Variants in FMN2 observed in about 807,000 individuals in gnomAD.
The protein encoded by FMN2 is formin-2.
Under a neutral mutation model 142.3 loss-of-function variants are expected in FMN2, and 51 were observed. The observed-to-expected ratio is 0.36, with a 90% CI of 0.29 to 0.45. FMN2 has a LOEUF of 0.45. FMN2 is among the 20% of genes least tolerant of loss of function. FMN2 has a pLI of 1.00. For synonymous variants in FMN2, 882 were observed against 869.8 expected, an observed-to-expected ratio of 1.01 and a Z score of -0.25; for missense variants, 1,936 against 2,122.8, an observed-to-expected ratio of 0.91 and a Z score of 1.73.
chr1:240,203,858 G>T (rs1021006830), intron 4 of FMN2, among the ~76,000 whole-genome samples: 1 of 152,030 alleles, frequency 6.6e-6, no homozygotes, highest in Admixed American at 6.6e-5. Context: ...CCCACTATGG[G>T]CTACTTAAAA....
chr1:240,362,671 C>T (rs1459559910), intron 14 of FMN2, among the ~76,000 whole-genome samples: 1 of 152,132 alleles, frequency 6.6e-6, no homozygotes, highest in East Asian at 1.9e-4. Context: ...GAAATACAAG[C>T]CTGGTTCTCC....
intron 4 of FMN2, among the ~76,000 whole-genome samples, 181 bp from the exon 5 acceptor site, chr1:240,206,618 T>TTAAC (rs1666361097): frequency 6.6e-6 from 1 of 152,208 alleles, no homozygotes; most frequent in South Asian, 2.1e-4. Context: ...GTCACGTGTG[T>TTAAC]TAACCACTTT....
intron 2 of FMN2, chr1:240,154,569 G>A (rs560938032): frequency 6.6e-6 from 1 of 152,228 alleles, no homozygotes; most frequent in African/African-American, 2.4e-5. Context: ...CTGTTACTAA[G>A]GGCATCTTCA....
At chr1:240,471,496 C>T (rs1676807585) in intron 16 of FMN2, among the ~76,000 whole-genome samples, 1 of 152,002 alleles carries the variant, frequency 6.6e-6, no homozygotes, top group Admixed American at 6.6e-5. Flanking sequence ...CTGCCTCAAC[C>T]TCCGAGTACC....
chr1:240,334,700 G>C (rs1671502817), intron 13 of FMN2, among the ~76,000 whole-genome samples: 2 of 152,012 alleles, frequency 1.3e-5, no homozygotes, highest in Non-Finnish European at 2.9e-5. Context: ...TACCAGTCAA[G>C]CTTTACATAA....
intron 7 of FMN2, among the ~76,000 whole-genome samples, chr1:240,275,213 A>G (rs1001735758): frequency 1.3e-5 from 2 of 151,508 alleles, no homozygotes; most frequent in Non-Finnish European, 2.9e-5. Flanking sequence ...TACATTAGGT[A>G]TTTCTCCTAA....
At chr1:240,346,906 G>T (rs908427176) in intron 13 of FMN2, among the ~76,000 whole-genome samples, 39 of 152,240 alleles carry the variant, frequency 2.6e-4, no homozygotes, top group African/African-American at 8.7e-4. Context: ...ATATATTTGC[G>T]CATGATGGTG....
intron 15 of FMN2, among the ~76,000 whole-genome samples, chr1:240,418,972 G>T (rs1674673994): frequency 6.6e-6 from 1 of 152,210 alleles, no homozygotes; most frequent in Non-Finnish European, 1.5e-5. Flanking sequence ...GCTGGACATG[G>T]TGGTGGGCGC....
intron 2 of FMN2, among the ~76,000 whole-genome samples, chr1:240,166,967 C>CA (rs1438829741): frequency 1.3e-5 from 2 of 151,946 alleles, no homozygotes; most frequent in African/African-American, 4.8e-5. Flanking sequence ...ACCAAAAATA[C>CA]AAAAATTAGC....
chr1:240,093,124 G>A lies in FMN2; in HGVS notation c.1015G>A (p.Val339Met), dbSNP rs759662315. 19 of 1,396,310 alleles carry A rather than the reference G, an allele frequency of 1.4e-5. No individual in the cohort carries two copies. Among genetic ancestry groups the A allele is most frequent in the Non-Finnish European group, 1.8e-5 (19 of 1,084,454 alleles). 86.5% of individuals were successfully genotyped at this position (1,396,310 alleles called of 1,614,324 possible). A position where few individuals can be genotyped will look rare whatever the true frequency, so the allele number is the denominator to read the frequency against. Residue 339 changes from valine to methionine, a missense_variant, in exon 1 of 18, where the codon GTG (valine) becomes ATG (methionine). Transcript: ENST00000319653. ...GGGGGAGGAAGCGGCCGGAGCCCCC[G>A]TGCGAGGGGCTGGGGACACGGATGA... Reference protein sequence around the residue: ...GPGEEAAGAPVRGAGDTDEEG... With the variant: ...GPGEEAAGAPMRGAGDTDEEG...
chr1:240,162,321 G>A (rs1048450029), intron 2 of FMN2, among the ~76,000 whole-genome samples: 37 of 151,876 alleles, frequency 2.4e-4, no homozygotes, highest in African/African-American at 7.5e-4. Context: ...AAAATTAGCC[G>A]GGCGTGGTGG....
At position 240,153,095 on chromosome 1, in the gene FMN2, G is replaced by A. The variant is rs138244772; in HGVS notation, c.1783-24826G>A. Among the ~76,000 whole-genome samples, 886 of 152,284 alleles carry A rather than the reference G, an allele frequency of 5.8e-3. 8 individuals carry two copies. Among genetic ancestry groups the A allele is most frequent in the African/African-American group, 0.019 (803 of 41,554 alleles). On this transcript the variant is annotated intron_variant, in intron 2 of 17. Transcript: ENST00000319653. ...TGGTGGAATCCCCAGGCGGGTCTGA[G>A]TCATGGCTTTGCTGAGTGATTGCTG...
At chr1:240,266,888 A>G (rs1020773489) in intron 7 of FMN2, among the ~76,000 whole-genome samples, 2 of 152,154 alleles carry the variant, frequency 1.3e-5, no homozygotes, top group Admixed American at 1.3e-4. Context: ...ATGGCCAACC[A>G]TTTGTAGAAG....
At chr1:240,139,537 G>T (rs1663089150) in intron 2 of FMN2, among the ~76,000 whole-genome samples, 1 of 151,972 alleles carries the variant, frequency 6.6e-6, no homozygotes, top group African/African-American at 2.4e-5. Context: ...ACCCAATAAG[G>T]GGAAAAAAGC....
intron 6 of FMN2, among the ~76,000 whole-genome samples, chr1:240,214,022 A>T (rs1018804115): frequency 6.6e-6 from 1 of 152,234 alleles, no homozygotes; most frequent in Non-Finnish European, 1.5e-5. Flanking sequence ...AGAGCTTAAG[A>T]CAAAGCATTT....
rs1469501746 is a variant in FMN2 at position 240,465,380 on chromosome 1, GTGTGTGTC to G, written c.5061-6988_5061-6981del. Among the ~76,000 whole-genome samples the G allele has an allele frequency of 6.6e-5, 7 of 105,508 alleles. No individual in the cohort carries two copies. In the East Asian group the frequency reaches 1.4e-3, roughly 21 times the overall value. The allele number at this position is 105,508 out of a possible 152,430, so 69.2% of individuals were successfully genotyped here. ...TGTGTGTGTGTGTGTGTGTGTGTGT[GTGTGTGTC>G]TGTCTTTCTCTTTTTTCTCTCCCTC... On this transcript the variant is annotated intron_variant, in intron 16 of 17. Transcript: ENST00000319653.
chr1:240,204,773 C>T (rs944432362), intron 4 of FMN2, among the ~76,000 whole-genome samples: 3 of 152,068 alleles, frequency 2.0e-5, no homozygotes, highest in East Asian at 1.9e-4. Flanking sequence ...TTTACATTTC[C>T]TTCATAGAGA....
At chr1:240,351,583 A>G (rs1672098678) in intron 13 of FMN2, among the ~76,000 whole-genome samples, 1 of 152,240 alleles carries the variant, frequency 6.6e-6, no homozygotes, top group Admixed American at 6.5e-5. Context: ...GCCCAAGGAC[A>G]TCGATAAAAT....
At chr1:240,163,215 T>C (rs1482472682) in intron 2 of FMN2, among the ~76,000 whole-genome samples, 1 of 152,234 alleles carries the variant, frequency 6.6e-6, no homozygotes, top group African/African-American at 2.4e-5. Flanking sequence ...TTAAATGTTT[T>C]GCTTCAGTCC....
Sources: allele counts gnomAD v4.1 joint callset (sites outside exome capture counted in the v4.1 genomes callset), GRCh38; gene constraint gnomAD v4.1.1; transcripts MANE v1.5; gene names NCBI Gene and HGNC (gene_info 2026-07-23, HGNC 2026-07-21).